The following MTAP variants were observed in gnomAD, a reference collection of about 807,000 sequenced individuals.
MTAP encodes S-methyl-5'-thioadenosine phosphorylase.
MTAP carries 33 observed loss-of-function variants against 33.6 expected under a neutral mutation model. The observed-to-expected ratio is 0.98, with a 90% CI of 0.74 to 1.31. The LOEUF is 1.31. Ranked by LOEUF, MTAP falls within the 40% of genes most tolerant of loss-of-function variation. MTAP has a pLI of 0.00. For missense variants in MTAP, 367 were observed against 360.0 expected, an observed-to-expected ratio of 1.02 and a Z score of -0.16; for synonymous variants, 148 against 125.7, an observed-to-expected ratio of 1.18 and a Z score of -1.19.
intron 1 of MTAP, among the ~76,000 whole-genome samples, chr9:21,880,116 G>C (rs1296777343): frequency 6.6e-6 from 1 of 152,126 alleles, no homozygotes; most frequent in Non-Finnish European, 1.5e-5. Flanking sequence ...GCATTTGGAG[G>C]TGGAGCTTTT....
At chr9:21,923,536 GT>G (rs1223365897) in intron 1 of MTAP, among the ~76,000 whole-genome samples, 1 of 152,156 alleles carries the variant, frequency 6.6e-6, no homozygotes, top group East Asian at 1.9e-4. Flanking sequence ...GCATATGAAG[GT>G]TTTCCGTCAG....
chr9:21,893,321 T>A (rs1818230527), intron 1 of MTAP: 1 of 151,972 alleles, frequency 6.6e-6, no homozygotes, highest in African/African-American at 2.4e-5. Flanking sequence ...ATAAACAATC[T>A]AACATTATAC....
intron 1 of MTAP, among the ~76,000 whole-genome samples, chr9:21,909,738 A>G (rs570563583): frequency 6.6e-6 from 1 of 152,314 alleles, no homozygotes; most frequent in South Asian, 2.1e-4. Context: ...AACACTTTCC[A>G]TGTGCCAGAT....
At chr9:21,861,902 TG>T in intron 7 of MTAP, 73 bp from the exon 8 acceptor site, 1 of 917,042 alleles carries the variant, frequency 1.1e-6, no homozygotes, top group Non-Finnish European at 1.8e-6. Context: ...AATCAAAATC[TG>T]TTTTTTTTTT....
At chr9:21,805,485 A>G (rs1824185988) in intron 1 of MTAP, among the ~76,000 whole-genome samples, 1 of 152,202 alleles carries the variant, frequency 6.6e-6, no homozygotes, top group African/African-American at 2.4e-5. Flanking sequence ...GTAAGATTCC[A>G]TTGGGTGAGG....
downstream of MTAP, among the ~76,000 whole-genome samples, chr9:21,938,838 CT>C (rs1258076880): frequency 6.6e-6 from 1 of 152,150 alleles, no homozygotes; most frequent in Non-Finnish European, 1.5e-5. Flanking sequence ...TTTCTGGTAA[CT>C]TTAAGATCAT....
intron 1 of MTAP, among the ~76,000 whole-genome samples, chr9:21,923,489 A>G (rs1818820426): frequency 6.6e-6 from 1 of 152,132 alleles, no homozygotes; most frequent in South Asian, 2.1e-4. Context: ...GCAAATAAAC[A>G]TTGCTGTTTT....
chr9:21,897,968 C>T (rs1157299777), intron 1 of MTAP, among the ~76,000 whole-genome samples: 3 of 152,192 alleles, frequency 2.0e-5, no homozygotes, highest in African/African-American at 7.2e-5. Context: ...ATCACACTAC[C>T]TGACTTCAAA....
intron 4 of MTAP, among the ~76,000 whole-genome samples, chr9:21,824,189 A>G (rs1235062314): frequency 6.6e-6 from 1 of 152,094 alleles, no homozygotes; most frequent in Non-Finnish European, 1.5e-5. Flanking sequence ...TGATTTTTAG[A>G]ATTTTCAGCT....
intron 1 of MTAP, among the ~76,000 whole-genome samples, chr9:21,882,222 G>T (rs975101787): frequency 1.3e-5 from 2 of 151,632 alleles, no homozygotes; most frequent in Admixed American, 6.6e-5. Context: ...AACACAAGAC[G>T]AACAACTGTA....
intron 1 of MTAP, among the ~76,000 whole-genome samples, chr9:21,891,367 A>G (rs952182563): frequency 1.3e-5 from 2 of 152,206 alleles, no homozygotes; most frequent in South Asian, 4.1e-4. Flanking sequence ...GAGAAAGGTG[A>G]TACCTACTCC....
chr9:21,921,122 G>A (rs550655952), intron 1 of MTAP, among the ~76,000 whole-genome samples: 38 of 152,004 alleles, frequency 2.5e-4, no homozygotes, highest in Non-Finnish European at 4.4e-4. Flanking sequence ...TTCAATCTTA[G>A]TAAGTTGTAT....
chr9:21,886,737 G>T (rs1271802476), intron 1 of MTAP, among the ~76,000 whole-genome samples: 2 of 152,170 alleles, frequency 1.3e-5, no homozygotes, highest in African/African-American at 4.8e-5. Context: ...TCAAAGATTA[G>T]TTGGATATAA....
At chr9:21,900,059 C>T (rs1377708998) in intron 1 of MTAP, among the ~76,000 whole-genome samples, 1 of 152,096 alleles carries the variant, frequency 6.6e-6, no homozygotes, top group Non-Finnish European at 1.5e-5. Context: ...AAATGTAAAA[C>T]CTAGAACTAT....
chr9:21,802,741 G>C lies in MTAP; in HGVS notation c.-8G>C, dbSNP rs984349847. 4 of 1,612,756 alleles carry C rather than the reference G, an allele frequency of 2.5e-6. No individual in the cohort carries two copies. The highest frequency in any genetic ancestry group is 3.4e-6 in the Non-Finnish European group (4 of 1,179,832). ...CTCGCCCACTGCAGATTCCTTTCCCGTGCAGACATGGCCTCTGGCACCACC... is the reference window on the plus strand; with the variant it reads ...CTCGCCCACTGCAGATTCCTTTCCCCTGCAGACATGGCCTCTGGCACCACC... On this transcript the variant is annotated 5_prime_UTR_variant, in exon 1 of 8. Transcript: ENST00000644715.
In MTAP at chr9:21,894,228, A is replaced by C. The variant is rs1474999412; in HGVS notation, c.148-36780A>C. Among the ~76,000 whole-genome samples the C allele has an allele frequency of 2.8e-5, 4 of 143,310 alleles. No homozygotes were observed. In the East Asian group the frequency reaches 6.3e-4, roughly 23 times the overall value. The allele number at this position is 143,310 out of a possible 152,430, so 94.0% of individuals were successfully genotyped here. On this transcript the variant is annotated intron_variant, in intron 1 of 1. Coordinates refer to the MTAP transcript ENST00000577563. ...TTTCATGTTAAAAAAAAAAAAAAAA[A>C]AACTAGGTATTGAAGTAGCATACTT...
intron 4 of MTAP, among the ~76,000 whole-genome samples, chr9:21,835,119 G>T (rs112485893): frequency 6.6e-6 from 1 of 152,118 alleles, no homozygotes; most frequent in Non-Finnish European, 1.5e-5. Flanking sequence ...CCTTCTTATT[G>T]TGTCCTTACA....
chr9:21,826,668 T>G (rs1824816316), intron 4 of MTAP, among the ~76,000 whole-genome samples: 1 of 150,666 alleles, frequency 6.6e-6, no homozygotes, highest in African/African-American at 2.4e-5. Flanking sequence ...ACAAGTAATA[T>G]ATATTGTTCC....
chr9:21,904,426 A>T (rs767781809), intron 1 of MTAP, among the ~76,000 whole-genome samples: 13 of 152,030 alleles, frequency 8.6e-5, no homozygotes, highest in Non-Finnish European at 1.8e-4. Flanking sequence ...TCCCTTCCCC[A>T]CTTCCGTATC....
Sources: allele counts gnomAD v4.1 joint callset (sites outside exome capture counted in the v4.1 genomes callset), GRCh38; gene constraint gnomAD v4.1.1; transcripts MANE v1.5; gene names NCBI Gene and HGNC (gene_info 2026-07-23, HGNC 2026-07-21).